PTPRE: variants seen among roughly 807,000 people sequenced by gnomAD.
PTPRE encodes protein tyrosine phosphatase receptor type E.
Under a neutral mutation model 102.0 loss-of-function variants are expected in PTPRE, and 51 were observed. The observed-to-expected ratio is 0.50, with a 90% CI of 0.40 to 0.63. PTPRE has a LOEUF of 0.63. Among genes scored for constraint, PTPRE ranks in the 30% least tolerant of loss-of-function variants. The pLI is 0.00. For missense variants in PTPRE, 752 were observed against 915.1 expected (o/e 0.82, Z 2.30); for synonymous variants, 345 against 348.2 (o/e 0.99, Z 0.10).
intron 1 of PTPRE, among the ~76,000 whole-genome samples, chr10:127,977,581 A>G (rs1263492785): frequency 3.9e-5 from 6 of 152,242 alleles, no homozygotes; most frequent in African/African-American, 1.2e-4. Context: ...AAGATTGGCC[A>G]GTTCTGTTCA....
At chr10:128,055,115 A>C (rs775059351) in intron 6 of PTPRE, among the ~76,000 whole-genome samples, 1 of 152,146 alleles carries the variant, frequency 6.6e-6, no homozygotes, top group Non-Finnish European at 1.5e-5. Context: ...TACCTGGCGC[A>C]CTGAGACACT....
chr10:127,909,432 G>A (rs1056725662), intron 1 of PTPRE, among the ~76,000 whole-genome samples: 3 of 152,118 alleles, frequency 2.0e-5, no homozygotes, highest in Non-Finnish European at 2.9e-5. Flanking sequence ...AAGGTGCACC[G>A]CTGATCAATA....
intron 2 of PTPRE, among the ~76,000 whole-genome samples, chr10:128,016,709 A>G (rs1367132014): frequency 2.0e-5 from 3 of 152,120 alleles, no homozygotes; most frequent in African/African-American, 7.2e-5. Context: ...GTCTCATCCC[A>G]CCAAATCACT....
intron 2 of PTPRE, among the ~76,000 whole-genome samples, chr10:128,031,095 A>G (rs1846717177): frequency 2.6e-5 from 4 of 152,234 alleles, no homozygotes. Context: ...AACTCTTAGT[A>G]ACCAATGCTG....
rs775027486 is a variant in PTPRE, at chr10:128,047,502, C to CG, written c.209+17dup. ...CCTACTTCTTCAGGTAGGAGTGTCC[C>CG]GGGGCACTGACTTGCCCCAACCAGC... On this transcript the variant is annotated intron_variant, in intron 4 of 20. Coordinates refer to ENST00000254667, the MANE Select transcript of PTPRE (RefSeq NM_006504.6). 6.2e-7 allele frequency: 1 copy of CG among 1,613,152 alleles called. No individual in the cohort carries two copies. Among genetic ancestry groups the CG allele is most frequent in the Non-Finnish European group, 8.5e-7 (1 of 1,179,996 alleles).
At chr10:128,016,915 A>C (rs1845481625) in intron 2 of PTPRE, among the ~76,000 whole-genome samples, 2 of 152,332 alleles carry the variant, frequency 1.3e-5, no homozygotes, top group South Asian at 2.1e-4. Context: ...CCTCTGCCCC[A>C]GACCAAATAC....
chr10:128,016,481 A>ATTT (rs57308839), intron 2 of PTPRE, among the ~76,000 whole-genome samples: 48,213 of 144,852 alleles, frequency 0.33, 7,901 homozygotes, highest in East Asian at 0.41. Context: ...TGCCTGGCCA[A>ATTT]TTTTTTTTTT....
intron 1 of PTPRE, among the ~76,000 whole-genome samples, chr10:127,914,991 A>G (rs1390014775): frequency 6.6e-6 from 1 of 152,232 alleles, no homozygotes; most frequent in African/African-American, 2.4e-5. Context: ...GGAGGAAATC[A>G]GTATGAATTA....
intron 2 of PTPRE, among the ~76,000 whole-genome samples, chr10:128,004,631 G>T (rs1433141096): frequency 6.6e-6 from 1 of 152,116 alleles, no homozygotes; most frequent in African/African-American, 2.4e-5. Flanking sequence ...ACTGTGTTTT[G>T]TTTACTCATT....
intron 2 of PTPRE, among the ~76,000 whole-genome samples, chr10:128,021,713 C>T (rs1845903480): frequency 6.6e-6 from 1 of 152,220 alleles, no homozygotes; most frequent in African/African-American, 2.4e-5. Context: ...AGACTGTGCC[C>T]CGGAGTCTCA....
chr10:127,999,788 G>A (rs757157129), intron 2 of PTPRE: 7 of 985,318 alleles, frequency 7.1e-6, no homozygotes, highest in Non-Finnish European at 8.4e-6. Context: ...AGTGCCGGCA[G>A]CCGCGAGCCT....
chr10:128,031,486 C>T (rs962677644), intron 2 of PTPRE, among the ~76,000 whole-genome samples: 6 of 152,232 alleles, frequency 3.9e-5, no homozygotes, highest in Admixed American at 2.6e-4. Context: ...ATGGGTGGAG[C>T]CATGTTGTGT....
At chr10:128,055,271 C>G (rs1045509653) in intron 6 of PTPRE, among the ~76,000 whole-genome samples, 10 of 152,182 alleles carry the variant, frequency 6.6e-5, no homozygotes, top group Non-Finnish European at 1.2e-4. Flanking sequence ...AGCGAGCAGA[C>G]GCAGGAGACA....
chr10:128,006,322 C>T (rs771716330), intron 2 of PTPRE, among the ~76,000 whole-genome samples: 12 of 152,162 alleles, frequency 7.9e-5, no homozygotes, highest in Admixed American at 3.3e-4. Flanking sequence ...CACAGAAGAG[C>T]GGGGAAGCAG....
intron 3 of PTPRE, among the ~76,000 whole-genome samples, chr10:128,041,255 A>G (rs1590107499): frequency 6.6e-6 from 1 of 152,176 alleles, no homozygotes; most frequent in Non-Finnish European, 1.5e-5. Context: ...TGGAGGCAGG[A>G]GTGCAAAAGG....
intron 2 of PTPRE, among the ~76,000 whole-genome samples, chr10:128,033,298 G>T (rs1846927945): frequency 6.6e-6 from 1 of 152,238 alleles, no homozygotes; most frequent in Non-Finnish European, 1.5e-5. Flanking sequence ...AGCTGTTAGT[G>T]CTCCCAAGGG....
intron 2 of PTPRE, among the ~76,000 whole-genome samples, chr10:128,036,678 C>G (rs1847246531): frequency 6.6e-6 from 1 of 152,188 alleles, no homozygotes; most frequent in Non-Finnish European, 1.5e-5. Flanking sequence ...CCACATCCCA[C>G]TGACCACCAC....
At chr10:127,974,882 C>T (rs1036067462) in intron 1 of PTPRE, among the ~76,000 whole-genome samples, 1 of 152,140 alleles carries the variant, frequency 6.6e-6, no homozygotes, top group Non-Finnish European at 1.5e-5. Context: ...AAATGTGGAT[C>T]ATACCTCCCC....
At chr10:128,024,471 T>C (rs1297864259) in intron 2 of PTPRE, among the ~76,000 whole-genome samples, 1 of 152,244 alleles carries the variant, frequency 6.6e-6, no homozygotes, top group African/African-American at 2.4e-5. Context: ...GGAATCCAGA[T>C]AGACTTAATT....
Sources: gnomAD v4.1 joint callset for allele counts (sites outside exome capture counted in the v4.1 genomes callset) on GRCh38, gnomAD v4.1.1 for gene constraint, MANE v1.5 for transcripts, NCBI Gene and HGNC (gene_info 2026-07-23, HGNC 2026-07-21) for gene names.